The following CPVL variants were observed in gnomAD, a reference collection of about 807,000 sequenced individuals.
CPVL encodes the protein carboxypeptidase vitellogenic like.
Under a neutral mutation model 63.7 loss-of-function variants are expected in CPVL, and 51 were observed. That is an observed-to-expected ratio of 0.80 (90% CI 0.64 to 1.01). CPVL has a LOEUF of 1.01. Among genes scored for constraint, CPVL ranks in the 50% least tolerant of loss-of-function variants. CPVL has a pLI of 0.00. For missense variants in CPVL, 530 were observed against 573.1 expected (o/e 0.92, Z 0.77); for synonymous variants, 195 against 206.0 (o/e 0.95, Z 0.46).
chr7:29,009,969 C>T (rs1162355881), intron 12 of CPVL: 8 of 152,122 alleles, frequency 5.3e-5, no homozygotes, highest in African/African-American at 1.9e-4. Context: ...AAAAATGAAT[C>T]TTTAGGAAAT....
At chr7:29,187,757 A>G (rs1798896173) in intron 1 of CPVL, among the ~76,000 whole-genome samples, 1 of 152,062 alleles carries the variant, frequency 6.6e-6, no homozygotes, top group Admixed American at 6.6e-5. Flanking sequence ...ATAAAAAAAG[A>G]TCCTGATGTA....
intron 7 of CPVL, chr7:29,081,456 G>A (rs1205511253): frequency 6.6e-6 from 1 of 152,182 alleles, no homozygotes; most frequent in Non-Finnish European, 1.5e-5. Context: ...TTTCTCTGGT[G>A]TGGCCACACC....
intron 11 of CPVL, among the ~76,000 whole-genome samples, chr7:29,054,329 T>C (rs1369722669): frequency 6.6e-6 from 1 of 152,230 alleles, no homozygotes; most frequent in Non-Finnish European, 1.5e-5. Context: ...TGAAAATCTG[T>C]TGATTCTAAA....
intron 5 of CPVL, among the ~76,000 whole-genome samples, chr7:29,163,830 C>G (rs1399245876): frequency 6.6e-6 from 1 of 152,258 alleles, no homozygotes; most frequent in East Asian, 1.9e-4. Context: ...CTTTAAGATT[C>G]ATCTATGTTA....
chr7:29,019,449 T>G (rs991375135), intron 12 of CPVL, among the ~76,000 whole-genome samples: 1 of 152,162 alleles, frequency 6.6e-6, no homozygotes, highest in African/African-American at 2.4e-5. Context: ...TGGCTTGATG[T>G]GAATACACAG....
chr7:29,090,825 G>A (rs1351232967), intron 6 of CPVL, among the ~76,000 whole-genome samples: 3 of 152,116 alleles, frequency 2.0e-5, no homozygotes, highest in Non-Finnish European at 4.4e-5. Flanking sequence ...AACTGTGAAC[G>A]GTAAATGTCT....
intron 5 of CPVL, among the ~76,000 whole-genome samples, chr7:29,180,717 CTAAT>C (rs1316215340): frequency 2.0e-5 from 3 of 152,168 alleles, no homozygotes; most frequent in Non-Finnish European, 4.4e-5. Flanking sequence ...CACTAACACA[CTAAT>C]TAAGGGGCAC....
At chr7:29,031,728 A>G (rs2128154622) in intron 11 of CPVL, among the ~76,000 whole-genome samples, 1 of 152,330 alleles carries the variant, frequency 6.6e-6, no homozygotes, top group Non-Finnish European at 1.5e-5. Context: ...AACACAATCC[A>G]GAAGTCCTAT....
chr7:29,122,647 G>C (rs1789499151), intron 1 of CPVL: 1 of 152,116 alleles, frequency 6.6e-6, no homozygotes, highest in African/African-American at 2.4e-5. Flanking sequence ...ATTCAGGTAA[G>C]GAAAACTTGA....
chr7:29,177,460 G>T (rs1797503538), intron 5 of CPVL, among the ~76,000 whole-genome samples: 1 of 151,878 alleles, frequency 6.6e-6, no homozygotes, highest in African/African-American at 2.4e-5. Flanking sequence ...CACCATGTTG[G>T]CCAGCCTGGT....
At chr7:29,147,891 A>G (rs1223532411), upstream of CPVL, among the ~76,000 whole-genome samples, 2 of 152,196 alleles carry the variant, frequency 1.3e-5, no homozygotes, top group Non-Finnish European at 2.9e-5. Flanking sequence ...ATTGACATGA[A>G]AGGCCAGATT....
At chr7:28,999,481 C>T (rs977334881) in intron 12 of CPVL, among the ~76,000 whole-genome samples, 1 of 152,212 alleles carries the variant, frequency 6.6e-6, no homozygotes, top group Non-Finnish European at 1.5e-5. Flanking sequence ...ATTTGATTAA[C>T]ACCTACTCAT....
chr7:29,159,096 G>A (rs951857834), intron 5 of CPVL, among the ~76,000 whole-genome samples: 3 of 152,214 alleles, frequency 2.0e-5, no homozygotes, highest in Non-Finnish European at 4.4e-5. Flanking sequence ...GCTCTTCAGT[G>A]TTTTCCTAAT....
At chr7:29,018,335 G>T (rs1326852330) in intron 12 of CPVL, among the ~76,000 whole-genome samples, 1 of 148,184 alleles carries the variant, frequency 6.7e-6, no homozygotes, top group Non-Finnish European at 1.5e-5. Flanking sequence ...AAATCTTAAA[G>T]CAATTTCTCA....
At chr7:29,057,169 C>G (rs1397651702) in intron 11 of CPVL, among the ~76,000 whole-genome samples, 1 of 151,896 alleles carries the variant, frequency 6.6e-6, no homozygotes, top group Non-Finnish European at 1.5e-5. Flanking sequence ...TCTATGTTGT[C>G]CAAGCTGGTT....
intron 12 of CPVL, among the ~76,000 whole-genome samples, chr7:29,004,890 T>C (rs1449775584): frequency 7.2e-6 from 1 of 139,606 alleles, no homozygotes; most frequent in Non-Finnish European, 1.6e-5. Context: ...GTCTTTTTTT[T>C]CTTTTCTTTT....
intron 1 of CPVL, among the ~76,000 whole-genome samples, chr7:29,132,471 C>T (rs1790797739): frequency 1.3e-5 from 2 of 152,164 alleles, no homozygotes; most frequent in Non-Finnish European, 2.9e-5. Flanking sequence ...GAAAGGTTCA[C>T]CTTATGGGTA....
At chr7:28,999,121 A>G (rs1179101432) in intron 12 of CPVL, among the ~76,000 whole-genome samples, 1 of 151,460 alleles carries the variant, frequency 6.6e-6, no homozygotes, top group Non-Finnish European at 1.5e-5. Context: ...CTGAAGCAGG[A>G]GAATCACTTG....
chr7:29,025,049 CAGAA>C (rs779324868), intron 12 of CPVL, among the ~76,000 whole-genome samples: 4 of 152,126 alleles, frequency 2.6e-5, no homozygotes, highest in Non-Finnish European at 4.4e-5. Flanking sequence ...AACAAAATGG[CAGAA>C]ATAAGTTCTC....
Sources: allele counts gnomAD v4.1 joint callset (sites outside exome capture counted in the v4.1 genomes callset), GRCh38; gene constraint gnomAD v4.1.1; transcripts MANE v1.5; gene names NCBI Gene and HGNC (gene_info 2026-07-23, HGNC 2026-07-21).